Variants in SLC39A11 observed in about 807,000 individuals in gnomAD.
SLC39A11 encodes zinc transporter ZIP11.
Under a neutral mutation model 36.1 loss-of-function variants are expected in SLC39A11, and 33 were observed. The ratio of observed to expected loss-of-function variants is 0.91; its 90% CI spans 0.69 to 1.22. The LOEUF is 1.22. Ranked by LOEUF, SLC39A11 falls within the 50% of genes most tolerant of loss-of-function variation. The pLI is 0.00. For missense variants in SLC39A11, 432 were observed against 430.3 expected (o/e 1.00, Z -0.03); for synonymous variants, 166 against 170.3 (o/e 0.97, Z 0.20).
intron 4 of SLC39A11, among the ~76,000 whole-genome samples, chr17:72,969,520 A>C (rs1183761680): frequency 6.6e-6 from 1 of 152,142 alleles, no homozygotes; most frequent in African/African-American, 2.4e-5. Flanking sequence ...TTGAGATGCC[A>C]ACAATATGGC....
At chr17:72,812,934 A>T (rs539928926) in intron 6 of SLC39A11, among the ~76,000 whole-genome samples, 33 of 146,462 alleles carry the variant, frequency 2.3e-4, no homozygotes, top group African/African-American at 7.3e-4. Flanking sequence ...TCCGATGAAC[A>T]AGCTCCTCCC....
At chr17:72,701,308 T>C (rs2072605200) in intron 7 of SLC39A11, among the ~76,000 whole-genome samples, 1 of 152,068 alleles carries the variant, frequency 6.6e-6, no homozygotes, top group African/African-American at 2.4e-5. Context: ...CTAGCTCCGC[T>C]CTCCACTGAG....
chr17:72,817,242 AG>A (rs2077611599), intron 6 of SLC39A11, among the ~76,000 whole-genome samples: 1 of 148,902 alleles, frequency 6.7e-6, no homozygotes. Context: ...TGGAAGGCAA[AG>A]GGGAACTGGC....
chr17:73,088,935 C>A (rs116007458), intron 1 of SLC39A11, among the ~76,000 whole-genome samples, 160 bp from the exon 2 acceptor site: 303 of 152,282 alleles, frequency 2.0e-3, no homozygotes, highest in African/African-American at 7.1e-3. Flanking sequence ...CCACCCAGCA[C>A]ACAGGTCAGG....
At chr17:72,980,882 G>A (rs1461444261) in intron 4 of SLC39A11, among the ~76,000 whole-genome samples, 1 of 152,060 alleles carries the variant, frequency 6.6e-6, no homozygotes, top group Non-Finnish European at 1.5e-5. Flanking sequence ...AAATTAGCCA[G>A]GCATGATGGT....
intron 4 of SLC39A11, among the ~76,000 whole-genome samples, chr17:73,021,053 C>T (rs2148587734): frequency 6.6e-6 from 1 of 152,250 alleles, no homozygotes; most frequent in East Asian, 1.9e-4. Context: ...GGCCAAACTA[C>T]ATCTCTACCC....
chr17:72,705,092 C>CT (rs2072832420), intron 7 of SLC39A11, among the ~76,000 whole-genome samples: 1 of 152,204 alleles, frequency 6.6e-6, no homozygotes, highest in Admixed American at 6.5e-5. Flanking sequence ...TGCCTGAAAC[C>CT]AGCATCCCAG....
chr17:72,869,388 T>C (rs752760049), intron 5 of SLC39A11, among the ~76,000 whole-genome samples: 5 of 152,192 alleles, frequency 3.3e-5, no homozygotes, highest in Non-Finnish European at 7.3e-5. Context: ...TATTGATTGA[T>C]GGATTTTTAT....
At chr17:73,010,531 T>C (rs561392224) in intron 4 of SLC39A11, among the ~76,000 whole-genome samples, 68 of 152,272 alleles carry the variant, frequency 4.5e-4, no homozygotes, top group African/African-American at 1.6e-3. Context: ...GGCCGTACCA[T>C]GGACACCATC....
At chr17:73,024,114 C>T (rs1452594843) in intron 4 of SLC39A11, among the ~76,000 whole-genome samples, 8 of 152,220 alleles carry the variant, frequency 5.3e-5, no homozygotes, top group Non-Finnish European at 7.3e-5. Context: ...GTAAAAGGTC[C>T]GACTGCAGAA....
chr17:72,936,438 A>G (rs1357706484), intron 5 of SLC39A11, among the ~76,000 whole-genome samples: 1 of 148,212 alleles, frequency 6.7e-6, no homozygotes, highest in African/African-American at 2.6e-5. Flanking sequence ...AAAAAAAAAA[A>G]AAAATTCCCC....
chr17:72,702,754 C>T (rs1294263010), intron 7 of SLC39A11, among the ~76,000 whole-genome samples: 1 of 151,358 alleles, frequency 6.6e-6, no homozygotes, highest in Non-Finnish European at 1.5e-5. Flanking sequence ...TTGGCCAACA[C>T]GGTGAAACTC....
At chr17:73,068,277 G>C (rs555946837) in intron 3 of SLC39A11, 1 of 684,452 alleles carries the variant, frequency 1.5e-6, no homozygotes, top group Non-Finnish European at 2.6e-6. Context: ...ATGGACTGCG[G>C]CTCCTCCACC....
At chr17:72,833,010 A>C (rs551531706) in intron 6 of SLC39A11, among the ~76,000 whole-genome samples, 2 of 152,234 alleles carry the variant, frequency 1.3e-5, no homozygotes, top group Non-Finnish European at 2.9e-5. Context: ...CAAAAATCTT[A>C]GAAAAGCTAC....
chr17:72,776,470 A>ATT (rs2076134472), intron 6 of SLC39A11, among the ~76,000 whole-genome samples: 1 of 152,192 alleles, frequency 6.6e-6, no homozygotes, highest in Admixed American at 6.5e-5. Flanking sequence ...TTTTGCTTTT[A>ATT]CTGAAATCTG....
chr17:72,732,302 C>T (rs1023001304), intron 7 of SLC39A11, among the ~76,000 whole-genome samples: 38 of 152,046 alleles, frequency 2.5e-4, no homozygotes, highest in African/African-American at 8.2e-4. Context: ...GCGTGAGCCA[C>T]GGCACCTGGC....
chr17:73,087,204 C>G (rs1342486480), intron 2 of SLC39A11, among the ~76,000 whole-genome samples: 1 of 152,124 alleles, frequency 6.6e-6, no homozygotes, highest in Non-Finnish European at 1.5e-5. Flanking sequence ...TCTTATATAC[C>G]TAGGTTCCAG....
chr17:72,713,999 A>C lies in SLC39A11; in HGVS notation c.671+22651T>G, dbSNP rs9912910. 2.2e-3 allele frequency among the ~76,000 whole-genome samples: 333 copies of C among 152,336 alleles called. 1 individual carries two copies. Among genetic ancestry groups the C allele is most frequent in the African/African-American group, 7.7e-3 (321 of 41,574 alleles). On this transcript the variant is annotated intron_variant, in intron 7 of 9. Transcript: ENST00000255559. ...TCAGGGACCTCAAATTTAGATCTAC[A>C]GTCCACCACAAAGGCCGTGCATAGA...
chr17:72,782,662 T>C (rs2076356659), intron 6 of SLC39A11, among the ~76,000 whole-genome samples: 1 of 121,616 alleles, frequency 8.2e-6, no homozygotes, highest in African/African-American at 3.2e-5. Context: ...CACTCCAGCC[T>C]GGGCGACACA....
Sources: gnomAD v4.1 joint callset for allele counts (sites outside exome capture counted in the v4.1 genomes callset) on GRCh38, gnomAD v4.1.1 for gene constraint, MANE v1.5 for transcripts, NCBI Gene and HGNC (gene_info 2026-07-23, HGNC 2026-07-21) for gene names.